Variants in VWC2L observed in about 807,000 individuals in gnomAD.
The protein encoded by VWC2L is von Willebrand factor C domain-containing protein 2-like.
A neutral mutation model predicts 21.6 loss-of-function variants in VWC2L; 10 were observed. That is an observed-to-expected ratio of 0.46 (90% CI 0.29 to 0.78). The LOEUF (loss-of-function observed/expected upper bound fraction) is 0.78, where lower values mean the gene tolerates loss of function less well. VWC2L is among the 30% of genes least tolerant of loss of function. The pLI is 0.10. For missense variants in VWC2L, 209 were observed against 277.1 expected (o/e 0.75, Z 1.74); for synonymous variants, 96 against 94.3 (o/e 1.02, Z -0.10).
At chr2:214,526,012 T>C (rs1203156752) in intron 3 of VWC2L, among the ~76,000 whole-genome samples, 2 of 151,906 alleles carry the variant, frequency 1.3e-5, no homozygotes, top group East Asian at 1.9e-4. Context: ...TCTCAGCATA[T>C]AAGTACCCAA....
chr2:214,430,042 T>C (rs775089751), intron 2 of VWC2L, among the ~76,000 whole-genome samples: 12 of 151,994 alleles, frequency 7.9e-5, no homozygotes, highest in Non-Finnish European at 1.0e-4. Context: ...CAGGCTAGTC[T>C]CAAAATCCTG....
chr2:214,493,208 GA>G (rs1181602571), intron 3 of VWC2L, among the ~76,000 whole-genome samples: 1 of 152,132 alleles, frequency 6.6e-6, no homozygotes, highest in Non-Finnish European at 1.5e-5. Flanking sequence ...TACATCAGAA[GA>G]ATATTTCAAG....
At chr2:214,539,392 G>A (rs756000058) in intron 3 of VWC2L, among the ~76,000 whole-genome samples, 10 of 152,214 alleles carry the variant, frequency 6.6e-5, no homozygotes, top group Non-Finnish European at 1.3e-4. Flanking sequence ...CAAAATAAAT[G>A]CTGTCATTAG....
rs1690249535 is a variant in VWC2L at position 214,577,513 on chromosome 2, T to C, written c.*1693T>C. On this transcript the variant is annotated 3_prime_UTR_variant, in exon 4 of 4. Transcript: ENST00000312504. ...ATTTCACCTCGTTGAGAACCAGTGGTCTAGAATAATCAGTATAGAGTGGTT... is the reference window on the plus strand; with the variant it reads ...ATTTCACCTCGTTGAGAACCAGTGGCCTAGAATAATCAGTATAGAGTGGTT... 6.6e-6 allele frequency: 1 copy of C among 152,152 alleles called. No homozygotes were observed. The highest frequency in any genetic ancestry group is 1.5e-5 in the Non-Finnish European group (1 of 68,082). 9.4% of individuals were successfully genotyped at this position (152,152 alleles called of 1,614,324 possible).
intron 3 of VWC2L, among the ~76,000 whole-genome samples, chr2:214,499,298 A>T (rs1688858454): frequency 6.6e-6 from 1 of 152,022 alleles, no homozygotes; most frequent in African/African-American, 2.4e-5. Flanking sequence ...GATTACAGGC[A>T]TGAGCCACTG....
chr2:214,446,221 GC>G (rs1559293127), intron 3 of VWC2L, among the ~76,000 whole-genome samples: 1 of 152,182 alleles, frequency 6.6e-6, no homozygotes. Context: ...TGGCTGCAGA[GC>G]CCCTGAAGCA....
At chr2:214,503,541 T>C (rs1391940557) in intron 3 of VWC2L, among the ~76,000 whole-genome samples, 1 of 152,114 alleles carries the variant, frequency 6.6e-6, no homozygotes, top group Non-Finnish European at 1.5e-5. Flanking sequence ...GGCTAATTGT[T>C]CTCAAAACTT....
chr2:214,567,571 C>CAG (rs1559333772), intron 3 of VWC2L, among the ~76,000 whole-genome samples: 41 of 141,364 alleles, frequency 2.9e-4, no homozygotes, highest in African/African-American at 1.1e-3. Flanking sequence ...CACACACACA[C>CAG]ACACACACAC....
At chr2:214,414,958 G>T in intron 2 of VWC2L, 1 of 232,522 alleles carries the variant, frequency 4.3e-6, no homozygotes, top group Non-Finnish European at 8.3e-6. Context: ...TTTGTGTGTT[G>T]CTTATTAGCC....
At chr2:214,414,693 T>A in intron 2 of VWC2L, 110 bp downstream of exon 2, 2 of 1,212,234 alleles carry the variant, frequency 1.6e-6, no homozygotes, top group Non-Finnish European at 2.3e-6. Context: ...AATTTCCCTT[T>A]AAATTATACA....
chr2:214,420,316 GT>G (rs1234862518), intron 2 of VWC2L, among the ~76,000 whole-genome samples: 3 of 152,084 alleles, frequency 2.0e-5, no homozygotes, highest in African/African-American at 7.2e-5. Flanking sequence ...ACGTCTAGTT[GT>G]TTTTTTAATA....
chr2:214,447,894 G>C lies in VWC2L; in HGVS notation c.520+11136G>C, dbSNP rs183239317. 6.6e-5 allele frequency among the ~76,000 whole-genome samples: 10 copies of C among 152,068 alleles called. No individual in the cohort carries two copies. In the East Asian group the frequency reaches 2.0e-3, roughly 30 times the overall value. ...AACCCCTCCTTTCCCAGCAGTCACT[G>C]TCTTACCCTCACTGCCTGGCTTGGA... On this transcript the variant is annotated intron_variant, in intron 3 of 3. Transcript: ENST00000312504.
At chr2:214,495,552 C>T (rs1688799929) in intron 3 of VWC2L, among the ~76,000 whole-genome samples, 1 of 152,150 alleles carries the variant, frequency 6.6e-6, no homozygotes, top group African/African-American at 2.4e-5. Context: ...ACTTCACTGC[C>T]CCACTAGTTT....
At chr2:214,525,913 A>G (rs1292872549) in intron 3 of VWC2L, among the ~76,000 whole-genome samples, 1 of 152,174 alleles carries the variant, frequency 6.6e-6, no homozygotes, top group African/African-American at 2.4e-5. Context: ...ATGGATAAAA[A>G]GTAGTACATA....
intron 3 of VWC2L, among the ~76,000 whole-genome samples, chr2:214,465,546 G>A (rs1229455459): frequency 2.0e-5 from 3 of 152,148 alleles, no homozygotes; most frequent in Non-Finnish European, 4.4e-5. Context: ...TTCTCCTCTA[G>A]TTGAAGGAAG....
rs75820368 is a variant in VWC2L, at chr2:214,492,850, A to T, written c.520+56092A>T. ...CAAAGTGTTATACTTGGACTGGAGA[A>T]GAATCCAAGTTTCTTGCTCACAGTA... On this transcript the variant is annotated intron_variant, in intron 3 of 3. Coordinates refer to ENST00000312504, the MANE Select transcript of VWC2L (RefSeq NM_001080500.4). Among the ~76,000 whole-genome samples the T allele has an allele frequency of 5.6e-3, 853 of 152,320 alleles. 12 individuals are homozygous for T. The highest frequency in any genetic ancestry group is 0.019 in the African/African-American group (788 of 41,570).
At chr2:214,427,834 C>T (rs1431327733) in intron 2 of VWC2L, among the ~76,000 whole-genome samples, 2 of 152,076 alleles carry the variant, frequency 1.3e-5, no homozygotes, top group East Asian at 3.9e-4. Flanking sequence ...TGTAATAGTT[C>T]ATTATACTGT....
rs563999471 is a variant in VWC2L at position 214,576,949 on chromosome 2, T to G, written c.*1129T>G. ...GTGAGTCTTGCACAATACAATTCCA[T>G]TTGTTGAACATTTTTTAAAATGTAT... On this transcript the variant is annotated 3_prime_UTR_variant, in exon 4 of 4. Transcript: ENST00000312504. 2.6e-5 allele frequency: 4 copies of G among 152,268 alleles called. No homozygotes were observed. Among genetic ancestry groups the G allele is most frequent in the African/African-American group, 9.6e-5 (4 of 41,546 alleles). 9.4% of individuals were successfully genotyped at this position (152,268 alleles called of 1,614,324 possible).
chr2:214,550,097 C>G (rs1241112023), intron 3 of VWC2L, among the ~76,000 whole-genome samples: 8 of 152,158 alleles, frequency 5.3e-5, no homozygotes, highest in African/African-American at 1.7e-4. Flanking sequence ...TGGCTTGAAA[C>G]CCGCATGTGA....
Sources: gnomAD v4.1 joint callset for allele counts (sites outside exome capture counted in the v4.1 genomes callset) on GRCh38, gnomAD v4.1.1 for gene constraint, MANE v1.5 for transcripts, NCBI Gene and HGNC (gene_info 2026-07-23, HGNC 2026-07-21) for gene names.